Variants in NUBPL observed in about 807,000 individuals in gnomAD.
NUBPL encodes the protein iron-sulfur cluster transfer protein NUBPL.
Under a neutral mutation model 45.7 loss-of-function variants are expected in NUBPL, and 31 were observed. That is an observed-to-expected ratio of 0.68 (90% CI 0.51 to 0.92). NUBPL has a LOEUF of 0.92. NUBPL is among the 40% of genes least tolerant of loss of function. The pLI is 0.00. For synonymous variants in NUBPL, 144 were observed against 140.9 expected (o/e 1.02, Z -0.15); for missense variants, 401 against 398.7 (o/e 1.01, Z -0.05).
intron 3 of NUBPL, among the ~76,000 whole-genome samples, chr14:31,573,903 C>A (rs551886049): frequency 1.3e-5 from 2 of 151,974 alleles, no homozygotes; most frequent in South Asian, 4.1e-4. Context: ...TTTTTTTAAT[C>A]CTTGGTGCCT....
At chr14:31,761,675 A>G (rs1289236164) in intron 6 of NUBPL, among the ~76,000 whole-genome samples, 1 of 152,214 alleles carries the variant, frequency 6.6e-6, no homozygotes, top group Non-Finnish European at 1.5e-5. Context: ...CAGTACATAT[A>G]AATATATCTC....
chr14:31,613,318 G>A (rs772954847), intron 4 of NUBPL, among the ~76,000 whole-genome samples: 1 of 152,144 alleles, frequency 6.6e-6, no homozygotes, highest in African/African-American at 2.4e-5. Flanking sequence ...GGGAGTTGAG[G>A]GGATGTGGGG....
At chr14:31,825,484 G>C (rs1044667421) in intron 7 of NUBPL, among the ~76,000 whole-genome samples, 1 of 143,796 alleles carries the variant, frequency 7.0e-6, no homozygotes, top group African/African-American at 2.6e-5. Flanking sequence ...TTTTCTTCTT[G>C]TTCTTTCTTC....
At chr14:31,680,915 G>A (rs1311258007) in intron 6 of NUBPL, among the ~76,000 whole-genome samples, 1 of 151,984 alleles carries the variant, frequency 6.6e-6, no homozygotes, top group Admixed American at 6.6e-5. Flanking sequence ...GGATATGGTG[G>A]GCCAACTGTA....
chr14:31,759,858 G>A (rs888036235), intron 6 of NUBPL, among the ~76,000 whole-genome samples: 1 of 151,132 alleles, frequency 6.6e-6, no homozygotes, highest in African/African-American at 2.4e-5. Context: ...TGTGTTAGAT[G>A]ATTTTGCACA....
At chr14:31,834,640 C>A (rs553369744) in intron 8 of NUBPL, among the ~76,000 whole-genome samples, 2 of 152,246 alleles carry the variant, frequency 1.3e-5, no homozygotes, top group Admixed American at 1.3e-4. Context: ...TTGTGACTTT[C>A]CCCAGGCTCT....
At chr14:31,567,329 T>G (rs1259144310) in intron 3 of NUBPL, among the ~76,000 whole-genome samples, 3 of 152,180 alleles carry the variant, frequency 2.0e-5, no homozygotes, top group Non-Finnish European at 4.4e-5. Flanking sequence ...GCGTGGGATT[T>G]GGCCCTGCAG....
chr14:31,812,418 C>T (rs1327911150), intron 7 of NUBPL, among the ~76,000 whole-genome samples: 1 of 152,178 alleles, frequency 6.6e-6, no homozygotes, highest in Non-Finnish European at 1.5e-5. Context: ...AACAAGACTC[C>T]GTGGGCAAGA....
chr14:31,813,506 GAT>G (rs1217625283), intron 7 of NUBPL, among the ~76,000 whole-genome samples: 2 of 148,246 alleles, frequency 1.3e-5, no homozygotes, highest in East Asian at 2.0e-4. Context: ...CATATATACA[GAT>G]ATATATATAT....
intron 6 of NUBPL, among the ~76,000 whole-genome samples, chr14:31,739,343 C>G (rs1279057321): frequency 6.6e-6 from 1 of 150,940 alleles, no homozygotes; most frequent in Non-Finnish European, 1.5e-5. Flanking sequence ...CCTTGGCCTC[C>G]CAGAGTGCTG....
chr14:31,725,533 CT>C (rs1344923021), intron 6 of NUBPL, among the ~76,000 whole-genome samples: 4 of 152,056 alleles, frequency 2.6e-5, no homozygotes, highest in Non-Finnish European at 5.9e-5. Context: ...TTCATATACA[CT>C]TTATACACAT....
At chr14:31,803,829 A>G (rs1169795054) in intron 7 of NUBPL, among the ~76,000 whole-genome samples, 1 of 152,256 alleles carries the variant, frequency 6.6e-6, no homozygotes, top group Non-Finnish European at 1.5e-5. Context: ...ATTCAGTTTG[A>G]AACTTCAGCC....
At chr14:31,761,658 T>C (rs73255199) in intron 6 of NUBPL, among the ~76,000 whole-genome samples, 24,129 of 152,140 alleles carry the variant, frequency 0.16, 5,439 homozygotes, top group African/African-American at 0.5. Flanking sequence ...TAATAATATA[T>C]TGTGATCAGT....
In NUBPL at chr14:31,711,769, C is replaced by T. The variant is rs148616428; in HGVS notation, c.513+38195C>T. 6.5e-3 allele frequency among the ~76,000 whole-genome samples: 983 copies of T among 152,054 alleles called. 10 individuals are homozygous for T. Among genetic ancestry groups the T allele is most frequent in the African/African-American group, 0.022 (918 of 41,458 alleles). ...AGTGTTACAGCTCTTAAAGGCAGTGCGTCTGGAGTTGTTCATTCCTTCCGG... is the reference window on the plus strand; with the variant it reads ...AGTGTTACAGCTCTTAAAGGCAGTGTGTCTGGAGTTGTTCATTCCTTCCGG... On this transcript the variant is annotated intron_variant, in intron 6 of 10. Coordinates refer to ENST00000281081, the MANE Select transcript of NUBPL (RefSeq NM_025152.3).
chr14:31,793,828 C>CTTTTTTTTTTTTTTTTT (rs55698198), intron 7 of NUBPL, among the ~76,000 whole-genome samples: 8 of 127,594 alleles, frequency 6.3e-5, no homozygotes, highest in Non-Finnish European at 1.1e-4. Flanking sequence ...CCTTATCTTT[C>CTTTTTTTTTTTTTTTTT]TTTTTTTTTT....
intron 3 of NUBPL, among the ~76,000 whole-genome samples, chr14:31,568,715 G>A (rs1204127961): frequency 6.6e-6 from 1 of 152,176 alleles, no homozygotes; most frequent in Non-Finnish European, 1.5e-5. Flanking sequence ...TGTTTCCAAA[G>A]TTGATATACT....
At chr14:31,601,864 T>C (rs2034443061) in intron 4 of NUBPL, among the ~76,000 whole-genome samples, 1 of 152,116 alleles carries the variant, frequency 6.6e-6, no homozygotes, top group African/African-American at 2.4e-5. Flanking sequence ...AGAAATACCA[T>C]TTGACCCAGC....
At chr14:31,766,407 T>A (rs1566550570) in intron 6 of NUBPL, among the ~76,000 whole-genome samples, 1 of 152,138 alleles carries the variant, frequency 6.6e-6, no homozygotes, top group Non-Finnish European at 1.5e-5. Context: ...AAATAAAGGA[T>A]TCTGCTTTTA....
At chr14:31,690,418 G>GC (rs2037066262) in intron 6 of NUBPL, among the ~76,000 whole-genome samples, 1 of 152,116 alleles carries the variant, frequency 6.6e-6, no homozygotes. Context: ...ATTGGACAAT[G>GC]CCCCTGGCCA....
Sources: gnomAD v4.1 joint callset for allele counts (sites outside exome capture counted in the v4.1 genomes callset) on GRCh38, gnomAD v4.1.1 for gene constraint, MANE v1.5 for transcripts, NCBI Gene and HGNC (gene_info 2026-07-23, HGNC 2026-07-21) for gene names.